CFAP299: variants seen among roughly 807,000 people sequenced by gnomAD.
CFAP299 encodes the protein cilia and flagella associated protein 299, also known as cilia- and flagella-associated protein 299.
A neutral mutation model predicts 27.0 loss-of-function variants in CFAP299; 21 were observed. The observed-to-expected ratio is 0.78, with a 90% CI of 0.55 to 1.12. The LOEUF is 1.12. CFAP299 is among the 50% of genes most tolerant of loss of function. The pLI, the probability that CFAP299 is intolerant of heterozygous loss-of-function variation, is 0.00. For missense variants in CFAP299, 310 were observed against 276.6 expected, an observed-to-expected ratio of 1.12 and a Z score of -0.86; for synonymous variants, 104 against 98.1, an observed-to-expected ratio of 1.06 and a Z score of -0.36.
intron 1 of CFAP299, among the ~76,000 whole-genome samples, chr4:80,360,481 C>T (rs1272804815): frequency 6.6e-6 from 1 of 152,178 alleles, no homozygotes; most frequent in Non-Finnish European, 1.5e-5. Flanking sequence ...GGATTGACAG[C>T]CTATACCCCA....
At chr4:80,790,354 G>A (rs1230194389) in intron 3 of CFAP299, 4 of 152,000 alleles carry the variant, frequency 2.6e-5, no homozygotes, top group Non-Finnish European at 1.5e-5. Context: ...TTAGTGGTCA[G>A]AGCAATTTTC....
chr4:80,891,427 A>G (rs1053225663), intron 4 of CFAP299, among the ~76,000 whole-genome samples: 22 of 151,566 alleles, frequency 1.5e-4, no homozygotes, highest in Admixed American at 4.6e-4. Flanking sequence ...ATGGAATACT[A>G]TGCAGCCATA....
intron 3 of CFAP299, among the ~76,000 whole-genome samples, chr4:80,807,136 A>AT (rs919738898): frequency 6.6e-6 from 1 of 152,216 alleles, no homozygotes; most frequent in African/African-American, 2.4e-5. Flanking sequence ...TAAAGAAATG[A>AT]TTTTTTTCTT....
intron 4 of CFAP299, among the ~76,000 whole-genome samples, chr4:80,933,769 T>C (rs1403566352): frequency 6.6e-6 from 1 of 152,234 alleles, no homozygotes; most frequent in South Asian, 2.1e-4. Context: ...AGAACTTTTA[T>C]TATTGATTTT....
At chr4:80,791,134 A>C (rs1727542723) in intron 3 of CFAP299, among the ~76,000 whole-genome samples, 1 of 152,080 alleles carries the variant, frequency 6.6e-6, no homozygotes, top group African/African-American at 2.4e-5. Flanking sequence ...TATTAGGGTG[A>C]ATGCTCTGAT....
chr4:80,797,345 T>G (rs1727925229), intron 3 of CFAP299, among the ~76,000 whole-genome samples: 1 of 152,174 alleles, frequency 6.6e-6, no homozygotes, highest in Non-Finnish European at 1.5e-5. Flanking sequence ...ATGATTCTAT[T>G]TTTATAACTC....
chr4:80,589,944 A>T (rs775691066), intron 3 of CFAP299, among the ~76,000 whole-genome samples: 4 of 152,142 alleles, frequency 2.6e-5, no homozygotes, highest in Non-Finnish European at 5.9e-5. Flanking sequence ...TGATTGAGGG[A>T]AACTCTCAAT....
At chr4:80,550,285 T>C (rs1560619366) in intron 2 of CFAP299, among the ~76,000 whole-genome samples, 2 of 152,112 alleles carry the variant, frequency 1.3e-5, no homozygotes, top group Admixed American at 1.3e-4. Flanking sequence ...TTATGTTACA[T>C]CTAGTAAACA....
At chr4:80,688,094 A>G (rs371617339) in intron 3 of CFAP299, among the ~76,000 whole-genome samples, 19 of 152,006 alleles carry the variant, frequency 1.2e-4, no homozygotes, top group Non-Finnish European at 1.8e-4. Flanking sequence ...AAACTGCAAG[A>G]CGGCAGCGAG....
At chr4:80,624,723 TA>T (rs997306109) in intron 3 of CFAP299, among the ~76,000 whole-genome samples, 14 of 152,042 alleles carry the variant, frequency 9.2e-5, no homozygotes, top group African/African-American at 3.4e-4. Context: ...AGAGGATTTT[TA>T]AAAAAACAGC....
intron 2 of CFAP299, among the ~76,000 whole-genome samples, chr4:80,395,603 C>G (rs906367169): frequency 6.6e-6 from 1 of 151,964 alleles, no homozygotes; most frequent in African/African-American, 2.4e-5. Flanking sequence ...GTTTAAAGAT[C>G]AAAGTTTAAG....
At chr4:80,797,649 G>C (rs983855271) in intron 3 of CFAP299, among the ~76,000 whole-genome samples, 12 of 152,138 alleles carry the variant, frequency 7.9e-5, no homozygotes, top group Non-Finnish European at 1.3e-4. Context: ...GGTTCCCACT[G>C]TTAGGTCTGA....
intron 4 of CFAP299, among the ~76,000 whole-genome samples, chr4:80,933,581 ATTTC>A (rs1231177987): frequency 6.6e-6 from 1 of 152,062 alleles, no homozygotes; most frequent in Non-Finnish European, 1.5e-5. Flanking sequence ...CATAAGATAT[ATTTC>A]TATTTTTTTA....
chr4:80,435,552 C>A (rs994695166), intron 2 of CFAP299, among the ~76,000 whole-genome samples: 8 of 152,154 alleles, frequency 5.3e-5, no homozygotes, highest in African/African-American at 1.7e-4. Flanking sequence ...CTTGGACCAG[C>A]AAGAAGCAGG....
intron 3 of CFAP299, among the ~76,000 whole-genome samples, chr4:80,784,998 C>T (rs559420019): frequency 6.6e-6 from 1 of 152,138 alleles, no homozygotes; most frequent in East Asian, 1.9e-4. Flanking sequence ...CCATAGGTTG[C>T]CTTTTCATTT....
intron 2 of CFAP299, among the ~76,000 whole-genome samples, chr4:80,397,029 A>T (rs942616716): frequency 1.2e-4 from 19 of 152,158 alleles, no homozygotes; most frequent in African/African-American, 4.1e-4. Context: ...TTTGGTTGGT[A>T]GGCTATTAAT....
At chr4:80,405,914 C>T (rs1049052877) in intron 2 of CFAP299, among the ~76,000 whole-genome samples, 2 of 152,070 alleles carry the variant, frequency 1.3e-5, no homozygotes, top group Non-Finnish European at 2.9e-5. Flanking sequence ...TTATTAGATA[C>T]AGCCATGACA....
chr4:80,447,140 T>TTTTTTTTTTTTTTTTG (rs1728669027), intron 2 of CFAP299, among the ~76,000 whole-genome samples: 1 of 126,544 alleles, frequency 7.9e-6, no homozygotes, highest in African/African-American at 3.5e-5. Context: ...GTTTTTTTTT[T>TTTTTTTTTTTTTTTTG]TTTTTTTTTT....
At chr4:80,736,324 T>C (rs1723869458) in intron 3 of CFAP299, among the ~76,000 whole-genome samples, 2 of 152,118 alleles carry the variant, frequency 1.3e-5, no homozygotes, top group Non-Finnish European at 2.9e-5. Context: ...CCCAGCACCA[T>C]TTATTAAATA....
Sources: allele counts gnomAD v4.1 joint callset (sites outside exome capture counted in the v4.1 genomes callset), GRCh38; gene constraint gnomAD v4.1.1; transcripts MANE v1.5; gene names NCBI Gene and HGNC (gene_info 2026-07-23, HGNC 2026-07-21).